The following ZNF385D variants were observed in gnomAD, a reference collection of about 807,000 sequenced individuals.
ZNF385D encodes the protein zinc finger protein 385D.
In ZNF385D, 15 loss-of-function variants were observed where a neutral mutation model predicts 35.8. The ratio of observed to expected loss-of-function variants is 0.42; its 90% confidence interval spans 0.28 to 0.64. The LOEUF (loss-of-function observed/expected upper bound fraction) is 0.64. ZNF385D is among the 30% of genes least tolerant of loss of function. ZNF385D has a pLI of 0.23. For synonymous variants in ZNF385D, 212 were observed against 186.8 expected, an observed-to-expected ratio of 1.13 and a Z score of -1.10; for missense variants, 474 against 494.6, an observed-to-expected ratio of 0.96 and a Z score of 0.39.
intron 4 of ZNF385D, among the ~76,000 whole-genome samples, chr3:21,509,427 C>T (rs998064136): frequency 1.3e-5 from 2 of 152,168 alleles, no homozygotes; most frequent in Non-Finnish European, 2.9e-5. Context: ...CACTCATTCT[C>T]TTTCAGCCCT....
chr3:22,070,796 A>G (rs1407152143), intron 3 of ZNF385D, among the ~76,000 whole-genome samples: 4 of 152,196 alleles, frequency 2.6e-5, no homozygotes, highest in Non-Finnish European at 5.9e-5. Context: ...AAAATTAATG[A>G]ACAAGTTTAT....
intron 3 of ZNF385D, among the ~76,000 whole-genome samples, chr3:21,795,480 A>G (rs2072108470): frequency 6.6e-6 from 1 of 152,252 alleles, no homozygotes. Context: ...GGGTCTAAAA[A>G]TAATTGACAG....
In ZNF385D at chr3:22,152,515, A is replaced by G. The variant is rs555242432; in HGVS notation, c.325+16302T>C. On this transcript the variant is annotated intron_variant, in intron 3 of 5. Transcript: ENST00000494108. ...GTGTTCCTTCTGAGGGCTGTAAGGG[A>G]AGAATCTGTTTCCTTGCCTCTTTCA... is the stretch of plus-strand genomic sequence containing the variant. Among the ~76,000 whole-genome samples the G allele has an allele frequency of 1.7e-3, 253 of 152,216 alleles. 3 individuals are homozygous for G. Among genetic ancestry groups the G allele is most frequent in the Non-Finnish European group, 3.2e-3 (215 of 68,014 alleles).
chr3:22,069,115 G>T (rs183555106), intron 3 of ZNF385D, among the ~76,000 whole-genome samples: 8 of 152,288 alleles, frequency 5.3e-5, no homozygotes, highest in Non-Finnish European at 1.0e-4. Context: ...GGTGTTTGTT[G>T]TGTTATAAAA....
chr3:22,179,324 G>C (rs1328935455), intron 2 of ZNF385D, among the ~76,000 whole-genome samples: 3 of 152,146 alleles, frequency 2.0e-5, no homozygotes, highest in African/African-American at 7.2e-5. Flanking sequence ...TGGATTCCTA[G>C]GTATTTTATT....
At chr3:21,648,648 T>C (rs1161589181) in intron 2 of ZNF385D, among the ~76,000 whole-genome samples, 1 of 152,198 alleles carries the variant, frequency 6.6e-6, no homozygotes. Context: ...GAATCTCTTA[T>C]GATTACTTGC....
intron 2 of ZNF385D, among the ~76,000 whole-genome samples, chr3:21,596,552 C>G (rs188781989): frequency 4.6e-4 from 69 of 151,620 alleles, no homozygotes; most frequent in African/African-American, 1.7e-3. Context: ...GTCTCTTGCT[C>G]TCACCCAGGC....
intron 1 of ZNF385D, among the ~76,000 whole-genome samples, chr3:21,707,141 C>T (rs1234850168): frequency 6.6e-6 from 1 of 152,092 alleles, no homozygotes; most frequent in Admixed American, 6.5e-5. Context: ...ATGAATCACA[C>T]TGCCAGGAGA....
chr3:22,031,259 T>A (rs1697982310), intron 3 of ZNF385D, among the ~76,000 whole-genome samples: 1 of 152,186 alleles, frequency 6.6e-6, no homozygotes, highest in Admixed American at 6.5e-5. Context: ...CCAGTAGGGA[T>A]TCTGTGGGGG....
intron 3 of ZNF385D, among the ~76,000 whole-genome samples, chr3:21,765,917 C>A (rs915724038): frequency 2.0e-5 from 3 of 152,030 alleles, no homozygotes. Context: ...GTAGTATCTT[C>A]TTTTACACCT....
At chr3:22,044,252 T>C (rs1306528307) in intron 3 of ZNF385D, among the ~76,000 whole-genome samples, 3 of 152,090 alleles carry the variant, frequency 2.0e-5, no homozygotes, top group Non-Finnish European at 4.4e-5. Flanking sequence ...TCAAAGGTGA[T>C]AACTTTGTTA....
chr3:22,062,669 A>G (rs976895280), intron 3 of ZNF385D, among the ~76,000 whole-genome samples: 10 of 152,204 alleles, frequency 6.6e-5, no homozygotes, highest in Non-Finnish European at 1.3e-4. Context: ...AGTGTGGCCC[A>G]GGCTTAGTGA....
chr3:21,476,333 GA>G (rs1704245907), intron 4 of ZNF385D, among the ~76,000 whole-genome samples: 1 of 151,996 alleles, frequency 6.6e-6, no homozygotes. Flanking sequence ...TCATAAAGGG[GA>G]TAATTCTAAA....
intron 3 of ZNF385D, among the ~76,000 whole-genome samples, chr3:21,851,081 T>A (rs1020860568): frequency 2.0e-5 from 3 of 147,540 alleles, no homozygotes; most frequent in African/African-American, 7.5e-5. Flanking sequence ...ACAGCTAATA[T>A]TATTACCATG....
chr3:21,997,637 T>C (rs1695552306), intron 3 of ZNF385D, among the ~76,000 whole-genome samples: 1 of 151,946 alleles, frequency 6.6e-6, no homozygotes, highest in African/African-American at 2.4e-5. Flanking sequence ...GTTTCATGTG[T>C]TTGCATATCA....
intron 2 of ZNF385D, among the ~76,000 whole-genome samples, chr3:22,353,742 G>C (rs1696021828): frequency 6.6e-6 from 1 of 152,006 alleles, no homozygotes; most frequent in South Asian, 2.1e-4. Flanking sequence ...CCTTTAACTA[G>C]AGCAATCTTA....
At chr3:21,880,794 T>C (rs931285733) in intron 3 of ZNF385D, among the ~76,000 whole-genome samples, 1 of 151,936 alleles carries the variant, frequency 6.6e-6, no homozygotes, top group South Asian at 2.1e-4. Flanking sequence ...AAAGGAAAAC[T>C]TCTTGAAAAA....
intron 3 of ZNF385D, among the ~76,000 whole-genome samples, chr3:22,024,299 A>G (rs1697405456): frequency 6.6e-6 from 1 of 151,974 alleles, no homozygotes; most frequent in African/African-American, 2.4e-5. Context: ...AATACTTAAT[A>G]AACTCCCCTA....
intron 2 of ZNF385D, among the ~76,000 whole-genome samples, chr3:21,612,804 C>T (rs1200794902): frequency 2.6e-5 from 4 of 152,058 alleles, no homozygotes; most frequent in Admixed American, 2.6e-4. Flanking sequence ...AAAGGTGACA[C>T]TTACCTTTGC....
Sources: gnomAD v4.1 joint callset for allele counts (sites outside exome capture counted in the v4.1 genomes callset) on GRCh38, gnomAD v4.1.1 for gene constraint, MANE v1.5 for transcripts, NCBI Gene and HGNC (gene_info 2026-07-23, HGNC 2026-07-21) for gene names.